KLF13: variants seen among roughly 807,000 people sequenced by gnomAD.
The protein encoded by KLF13 is KLF transcription factor 13.
In KLF13, 8 loss-of-function variants were observed where a neutral mutation model predicts 16.7. The ratio of observed to expected loss-of-function variants is 0.48; its 90% CI spans 0.28 to 0.87. KLF13 has a LOEUF of 0.87. Among genes scored for constraint, KLF13 ranks in the 40% least tolerant of loss-of-function variants. The pLI is 0.10. For synonymous variants in KLF13, 245 were observed against 208.4 expected (o/e 1.18, Z -1.51); for missense variants, 447 against 452.2 (o/e 0.99, Z 0.10).
intron 1 of KLF13, among the ~76,000 whole-genome samples, chr15:31,432,190 A>G: frequency 6.6e-6 from 1 of 152,160 alleles, no homozygotes; most frequent in East Asian, 1.9e-4. Context: ...AGGTTGCTGG[A>G]AGGGGAAGTG....
Position 31,373,295 on chromosome 15 carries a change from CTGTG to C in KLF13, c.*999_*1002del, listed in dbSNP as rs1265438540. ...TCATGGGGCCTCCTCATCAGAGGGT[CTGTG>C]TGAGCGGCTGTGCATGTGGCAGCGC... On this transcript the variant is annotated 3_prime_UTR_variant, in exon 2 of 2. Coordinates refer to ENST00000307145, the MANE Select transcript of KLF13 (RefSeq NM_015995.4). 1 of 152,266 alleles carries C rather than the reference CTGTG, an allele frequency of 6.6e-6. No homozygotes were observed. Among genetic ancestry groups the C allele is most frequent in the Non-Finnish European group, 1.5e-5 (1 of 68,058 alleles). The allele number at this position is 152,266 out of a possible 1,614,324, so 9.4% of individuals were successfully genotyped here. A position where few individuals can be genotyped will look rare whatever the true frequency, so the allele number is the denominator to read the frequency against.
intron 1 of KLF13, among the ~76,000 whole-genome samples, chr15:31,338,935 C>T (rs1346951954): frequency 2.0e-5 from 3 of 152,038 alleles, no homozygotes; most frequent in Non-Finnish European, 4.4e-5. Flanking sequence ...GAGCAGACCC[C>T]AGGGGGGCCT....
In KLF13 at chr15:31,327,115, CGCG is replaced by C; in HGVS notation, c.-97_-95del. The C allele has an allele frequency of 2.9e-6, 3 of 1,033,284 alleles. No individual in the cohort carries two copies. The highest frequency in any genetic ancestry group is 3.6e-6 in the Non-Finnish European group (3 of 832,618). The allele number at this position is 1,033,284 out of a possible 1,614,324, so 64.0% of individuals were successfully genotyped here. On this transcript the variant is annotated 5_prime_UTR_variant, in exon 1 of 2. Transcript: ENST00000307145. ...AGCCCAGCCCGAGGAGAGGGCGCGC[CGCG>C]CCCCCGCCCCCCGCCCGCTCTCCCG...
chr15:31,341,546 T>C (rs1425896638), intron 1 of KLF13, among the ~76,000 whole-genome samples: 1 of 150,588 alleles, frequency 6.6e-6, no homozygotes, highest in Non-Finnish European at 1.5e-5. Flanking sequence ...ACTTTTTTTT[T>C]TTTTTTTTGA....
At chr15:31,333,285 G>A (rs540297949) in intron 1 of KLF13, among the ~76,000 whole-genome samples, 8 of 152,334 alleles carry the variant, frequency 5.3e-5, no homozygotes, top group African/African-American at 1.7e-4. Context: ...GGTGGAACAG[G>A]GATTGGAGCT....
At chr15:31,406,488 C>T (rs542995664), downstream of KLF13, among the ~76,000 whole-genome samples, 3 of 151,932 alleles carry the variant, frequency 2.0e-5, no homozygotes, top group East Asian at 1.9e-4. Context: ...CAGAGTGAGA[C>T]GTAAAATGTG....
At chr15:31,357,247 C>T (rs191057448) in intron 1 of KLF13, among the ~76,000 whole-genome samples, 1 of 152,312 alleles carries the variant, frequency 6.6e-6, no homozygotes, top group East Asian at 1.9e-4. Context: ...GCCGTCTATG[C>T]GGTGAGGATG....
At chr15:31,343,521 C>G (rs982667392) in intron 1 of KLF13, among the ~76,000 whole-genome samples, 3 of 152,222 alleles carry the variant, frequency 2.0e-5, no homozygotes, top group Admixed American at 1.3e-4. Flanking sequence ...TGCATCCAGC[C>G]TCCAGTGGGG....
chr15:31,335,322 G>T (rs1396609390), intron 1 of KLF13, among the ~76,000 whole-genome samples: 3 of 152,042 alleles, frequency 2.0e-5, no homozygotes, highest in Non-Finnish European at 2.9e-5. Flanking sequence ...ACACCCTGCT[G>T]CCCTGCCCAG....
Position 31,372,083 on chromosome 15 carries a change from C to T in KLF13, c.651C>T (p.His217=). The change falls in exon 2 of 2, where the codon CAC becomes CAT. Residue 217 remains histidine (H), a synonymous_variant. Coordinates refer to ENST00000307145, the MANE Select transcript of KLF13 (RefSeq NM_015995.4). ...CGCGCTCCGACGAGCTGGCGCGGCA[C>T]TACCGCACACACACGGGCGAGAAGA... ...KFARSDELAR[H]YRTHTGEKKF... is the part of the protein sequence containing the mutation. 6.2e-7 allele frequency: 1 copy of T among 1,612,914 alleles called. No homozygotes were observed. Among genetic ancestry groups the T allele is most frequent in the Non-Finnish European group, 8.5e-7 (1 of 1,179,942 alleles).
intron 1 of KLF13, among the ~76,000 whole-genome samples, chr15:31,358,186 C>G (rs939715745): frequency 2.0e-5 from 3 of 152,344 alleles, no homozygotes; most frequent in South Asian, 4.1e-4. Context: ...GCCAGAGATA[C>G]ATCCAGCAAT....
At chr15:31,421,496 GAAAT>G (rs564985622) in intron 1 of KLF13, among the ~76,000 whole-genome samples, 7 of 152,202 alleles carry the variant, frequency 4.6e-5, no homozygotes, top group South Asian at 2.1e-4. Context: ...TGCAATTTGT[GAAAT>G]AAATAACATA....
chr15:31,336,166 C>T (rs1488200491), intron 1 of KLF13, among the ~76,000 whole-genome samples: 2 of 152,244 alleles, frequency 1.3e-5, no homozygotes, highest in Non-Finnish European at 2.9e-5. Flanking sequence ...TGGGTGGGGC[C>T]TCCTCATTCC....
chr15:31,425,612 C>T (rs909529291), intron 1 of KLF13, among the ~76,000 whole-genome samples: 5 of 152,196 alleles, frequency 3.3e-5, no homozygotes, highest in African/African-American at 9.7e-5. Context: ...TGCAGTGGCT[C>T]ACACCTGTAA....
chr15:31,399,836 AG>A (rs1175821381), intron 2 of KLF13, among the ~76,000 whole-genome samples: 1 of 152,200 alleles, frequency 6.6e-6, no homozygotes, highest in Non-Finnish European at 1.5e-5. Flanking sequence ...GGCCACAGGG[AG>A]GGGCTGAGAG....
chr15:31,377,336 G>A lies in KLF13; in HGVS notation c.*5037G>A, dbSNP rs1260616628. Reference sequence around the variant, plus strand: ...AGAGGCCCCTGGTGCCTAGTGCTGAGGCCTCTGGGGCTGGAAAGCCTCAGC... The same window carrying A: ...AGAGGCCCCTGGTGCCTAGTGCTGAAGCCTCTGGGGCTGGAAAGCCTCAGC... On this transcript the variant is annotated 3_prime_UTR_variant, in exon 2 of 2. Coordinates refer to ENST00000307145, the MANE Select transcript of KLF13 (RefSeq NM_015995.4). The A allele has an allele frequency of 6.5e-6, 1 of 152,672 alleles. No homozygotes were observed. The highest frequency in any genetic ancestry group is 1.5e-5 in the Non-Finnish European group (1 of 68,052). The allele number at this position is 152,672 out of a possible 1,614,324, so 9.5% of individuals were successfully genotyped here.
chr15:31,335,490 A>AG (rs2038916140), intron 1 of KLF13, among the ~76,000 whole-genome samples: 2 of 5,714 alleles, frequency 3.5e-4, no homozygotes, highest in African/African-American at 1.4e-3. Context: ...GTGGCGGGGC[A>AG]GGGGGCGGGG....
chr15:31,401,392 G>A (rs1214064595), intron 2 of KLF13, among the ~76,000 whole-genome samples: 3 of 152,306 alleles, frequency 2.0e-5, no homozygotes, highest in Admixed American at 6.5e-5. Flanking sequence ...TTTGTCCCCC[G>A]GGTGGGGTGT....
rs779012057 is a variant in KLF13 at position 31,430,166 on chromosome 15, T to A, written n.118-5204T>A. ...TTTTGATTCATTAGAATTAAGAAAC[T>A]TTTCTTCATCAAAGGACACTATTAA... On this transcript the variant is annotated intron_variant and non_coding_transcript_variant, in intron 1 of 1. Coordinates refer to the KLF13 transcript ENST00000558225. Among the ~76,000 whole-genome samples, 48 of 152,192 alleles carry A rather than the reference T, an allele frequency of 3.2e-4. No homozygotes were observed. In the Middle Eastern group the frequency reaches 0.01, roughly 32 times the overall value.
Sources: allele counts gnomAD v4.1 joint callset (sites outside exome capture counted in the v4.1 genomes callset), GRCh38; gene constraint gnomAD v4.1.1; transcripts MANE v1.5; gene names NCBI Gene and HGNC (gene_info 2026-07-23, HGNC 2026-07-21).